METAP1: variants seen among roughly 807,000 people sequenced by gnomAD.
The protein encoded by METAP1 is methionyl aminopeptidase 1.
Under a neutral mutation model 53.8 loss-of-function variants are expected in METAP1, and 28 were observed. That is an observed-to-expected ratio of 0.52 (90% CI 0.39 to 0.71). The LOEUF (loss-of-function observed/expected upper bound fraction) is 0.71, where lower values mean the gene tolerates loss of function less well. Among genes scored for constraint, METAP1 ranks in the 30% least tolerant of loss-of-function variants. The pLI is 0.00. For missense variants in METAP1, 389 were observed against 479.8 expected (o/e 0.81, Z 1.77); for synonymous variants, 181 against 165.7 (o/e 1.09, Z -0.71).
chr4:99,037,257 A>G (rs1329333831), intron 4 of METAP1, among the ~76,000 whole-genome samples: 1 of 151,406 alleles, frequency 6.6e-6, no homozygotes, highest in Non-Finnish European at 1.5e-5. Context: ...TTTTTTACCA[A>G]TTGACCGTTT....
chr4:99,004,386 A>G (rs1180764280), intron 1 of METAP1, among the ~76,000 whole-genome samples: 1 of 151,956 alleles, frequency 6.6e-6, no homozygotes, highest in Non-Finnish European at 1.5e-5. Flanking sequence ...AAAGCACCCA[A>G]CACTATAACG....
At position 98,995,811 on chromosome 4, in the gene METAP1, C is replaced by T; in HGVS notation, c.58C>T (p.Leu20Phe). 1.3e-6 allele frequency: 2 copies of T among 1,545,886 alleles called. No individual in the cohort carries two copies. Among genetic ancestry groups the T allele is most frequent in the South Asian group, 2.4e-5 (2 of 83,810 alleles). The stretch of plus-strand genomic sequence containing the variant: ...AGACGGCTGCAGCAGTGAGGCCAAG[C>T]TCCAGTGTCCCACTTGCATCAAGCT... The part of the protein sequence containing the change: ...ETDGCSSEAK[L>F]QCPTCIKLGI... The change falls in exon 1 of 11, where the codon CTC becomes TTC. Residue 20 changes from leucine to phenylalanine, a missense_variant. Transcript: ENST00000296411.
intron 9 of METAP1, among the ~76,000 whole-genome samples, chr4:99,056,555 G>T (rs1560739672): frequency 6.6e-6 from 1 of 151,066 alleles, no homozygotes; most frequent in Non-Finnish European, 1.5e-5. Context: ...TTTGTTTTTT[G>T]TTTTTTTTGT....
intron 1 of METAP1, among the ~76,000 whole-genome samples, chr4:99,017,934 T>A (rs1723872915): frequency 6.6e-6 from 1 of 152,264 alleles, no homozygotes; most frequent in African/African-American, 2.4e-5. Flanking sequence ...TTGTCTGTGC[T>A]AACAAAAAGA....
chr4:99,057,396 G>A (rs1280203312), intron 9 of METAP1, among the ~76,000 whole-genome samples: 4 of 152,194 alleles, frequency 2.6e-5, no homozygotes, highest in African/African-American at 7.2e-5. Flanking sequence ...GGAACTCTTG[G>A]TTCTGTGATT....
chr4:99,013,300 C>G (rs1723575378), intron 1 of METAP1, among the ~76,000 whole-genome samples: 1 of 152,106 alleles, frequency 6.6e-6, no homozygotes, highest in Non-Finnish European at 1.5e-5. Flanking sequence ...TTCTTCCCAA[C>G]CCAGTCCACC....
At position 99,017,619 on chromosome 4, in the gene METAP1, T is replaced by C. The variant is rs1723844849; in HGVS notation, c.115-11248T>C. On this transcript the variant is annotated intron_variant, in intron 1 of 10. Coordinates refer to ENST00000296411, the MANE Select transcript of METAP1 (RefSeq NM_015143.3). ...AAGAATCCGGCAGGGTCAAGTGAAC[T>C]ATCAGTGGTTATAGTTAGATAATCT... 6.6e-5 allele frequency among the ~76,000 whole-genome samples: 10 copies of C among 152,380 alleles called. 1 individual carries two copies. In the South Asian group the frequency reaches 2.1e-3, roughly 32 times the overall value.
intron 2 of METAP1, among the ~76,000 whole-genome samples, chr4:99,029,223 G>C (rs958826840): frequency 1.3e-5 from 2 of 152,156 alleles, no homozygotes; most frequent in African/African-American, 4.8e-5. Context: ...TGCTGGAAGT[G>C]TTTGCATATT....
chr4:99,045,644 C>T (rs1726165840), intron 8 of METAP1, among the ~76,000 whole-genome samples: 1 of 152,146 alleles, frequency 6.6e-6, no homozygotes, highest in Non-Finnish European at 1.5e-5. Flanking sequence ...ATGTTCTCCT[C>T]ATAAAAAATT....
At position 99,043,285 on chromosome 4, in the gene METAP1, AATTATT is replaced by A; in HGVS notation, c.556_561del (p.Tyr186_Tyr187del). The A allele has an allele frequency of 6.2e-7, 1 of 1,603,822 alleles. No individual in the cohort carries two copies. The highest frequency in any genetic ancestry group is 2.2e-5 in the East Asian group (1 of 44,628). ...AAGAAATTGCTACCCTTCTCCCCTG[AATTATT>A]ATAATTTCCCAAAGTCTTGTTGTAC... On this transcript the variant is annotated inframe_deletion, in exon 7 of 11. Transcript: ENST00000296411.
rs1241184483 is a variant in METAP1 at position 99,022,768 on chromosome 4, CGCCACACTCTTGGCTATGCGCTT to C, written c.115-6097_115-6075del. 4.4e-6 allele frequency: 7 copies of C among 1,602,082 alleles called. No homozygotes were observed. In the African/African-American group the frequency reaches 9.4e-5, roughly 21 times the overall value. Reference sequence around the variant, plus strand: ...CCATAGGCGTGTTGTGTAGACTGGCCGCCACACTCTTGGCTATGCGCTTGTCACGGAACTCCACCCATCCCTCT... The same window carrying C: ...CCATAGGCGTGTTGTGTAGACTGGCCGTCACGGAACTCCACCCATCCCTCT... On this transcript the variant is annotated intron_variant, in intron 1 of 10. Coordinates refer to ENST00000296411, the MANE Select transcript of METAP1 (RefSeq NM_015143.3).
intron 1 of METAP1, among the ~76,000 whole-genome samples, chr4:99,024,030 A>G (rs563602947): frequency 1.2e-4 from 19 of 152,356 alleles, no homozygotes; most frequent in African/African-American, 3.4e-4. Flanking sequence ...TAAAAGGCAG[A>G]AATGAAATCT....
intron 1 of METAP1, among the ~76,000 whole-genome samples, chr4:99,028,315 A>G (rs941909928): frequency 1.2e-4 from 18 of 152,118 alleles, no homozygotes; most frequent in African/African-American, 4.1e-4. Flanking sequence ...AATTCTGATC[A>G]TTCAGTCAAG....
chr4:99,004,312 C>T lies in METAP1; in HGVS notation c.114+8445C>T, dbSNP rs542647656. Among the ~76,000 whole-genome samples, 3 of 152,126 alleles carry T rather than the reference C, an allele frequency of 2.0e-5. No individual in the cohort carries two copies. In the East Asian group the frequency reaches 5.8e-4, roughly 29 times the overall value. On this transcript the variant is annotated intron_variant, in intron 1 of 10. Coordinates refer to ENST00000296411, the MANE Select transcript of METAP1 (RefSeq NM_015143.3). ...CACAAAGGTGGGGGTTAGACACTTG[C>T]CTTCAGGTAGGGTGAAAGGAAGAGA...
At chr4:99,013,520 A>G (rs868778548) in intron 1 of METAP1, among the ~76,000 whole-genome samples, 1 of 152,154 alleles carries the variant, frequency 6.6e-6, no homozygotes, top group Non-Finnish European at 1.5e-5. Context: ...AAAAGGGTGC[A>G]CTCACCAGCA....
chr4:99,024,333 G>A (rs551478858), intron 1 of METAP1, among the ~76,000 whole-genome samples: 41 of 152,274 alleles, frequency 2.7e-4, no homozygotes, highest in South Asian at 6.2e-4. Context: ...GAGTCTTGCC[G>A]ATGTTCCTGG....
chr4:99,011,219 C>T (rs2110286824), intron 1 of METAP1, among the ~76,000 whole-genome samples: 1 of 152,246 alleles, frequency 6.6e-6, no homozygotes, highest in African/African-American at 2.4e-5. Flanking sequence ...TGAGAGCTGG[C>T]ATCTTTATCT....
intron 1 of METAP1, among the ~76,000 whole-genome samples, chr4:99,024,757 C>CA (rs757267837): frequency 1.1e-4 from 16 of 152,186 alleles, no homozygotes; most frequent in Non-Finnish European, 2.1e-4. Flanking sequence ...TTGTTAGTCC[C>CA]ACAAAGGCAG....
chr4:99,014,857 A>C (rs139457596), intron 1 of METAP1, among the ~76,000 whole-genome samples: 1 of 152,202 alleles, frequency 6.6e-6, no homozygotes. Flanking sequence ...ACCTCCCTGC[A>C]TCCTGTGAAA....
Sources: gnomAD v4.1 joint callset for allele counts (sites outside exome capture counted in the v4.1 genomes callset) on GRCh38, gnomAD v4.1.1 for gene constraint, MANE v1.5 for transcripts, NCBI Gene and HGNC (gene_info 2026-07-23, HGNC 2026-07-21) for gene names.